The following CNTN4 variants were observed in gnomAD, a reference collection of about 807,000 sequenced individuals.
The protein encoded by CNTN4 is contactin-4.
CNTN4 carries 77 observed loss-of-function variants against 122.5 expected under a neutral mutation model. That is an observed-to-expected ratio of 0.63 (90% CI 0.52 to 0.76). The LOEUF is 0.76. Ranked by LOEUF, CNTN4 falls within the 30% of genes least tolerant of loss-of-function variation. CNTN4 has a pLI of 0.00. For synonymous variants in CNTN4, 512 were observed against 447.0 expected (o/e 1.15, Z -1.83); for missense variants, 1,256 against 1,259.1 (o/e 1.00, Z 0.04).
rs746750015 is a variant in CNTN4, at chr3:2,300,783, A to C, written c.-144-38395A>C. Among the ~76,000 whole-genome samples, 69 of 151,790 alleles carry C rather than the reference A, an allele frequency of 4.5e-4. 1 individual carries two copies. The highest frequency in any genetic ancestry group is 1.4e-3 in the African/African-American group (56 of 41,378). ...ATGGGGTTTCACCATGTTGGCCAGGATGGTCTCCATCAACAGACCTTGTGA... is the reference window on the plus strand; with the variant it reads ...ATGGGGTTTCACCATGTTGGCCAGGCTGGTCTCCATCAACAGACCTTGTGA... On this transcript the variant is annotated intron_variant, in intron 2 of 24. Transcript: ENST00000418658.
chr3:2,244,125 C>T (rs899784164), intron 2 of CNTN4, among the ~76,000 whole-genome samples: 1 of 151,856 alleles, frequency 6.6e-6, no homozygotes, highest in African/African-American at 2.4e-5. Context: ...GCATACATAC[C>T]TATGATAAAG....
At chr3:2,718,739 G>C (rs549604042) in intron 4 of CNTN4, among the ~76,000 whole-genome samples, 5 of 152,052 alleles carry the variant, frequency 3.3e-5, no homozygotes, top group Non-Finnish European at 7.4e-5. Context: ...AATTTCTCAA[G>C]TCCCTGAAAT....
intron 4 of CNTN4, among the ~76,000 whole-genome samples, chr3:2,734,344 G>A (rs1212625397): frequency 6.6e-6 from 1 of 152,200 alleles, no homozygotes; most frequent in Non-Finnish European, 1.5e-5. Flanking sequence ...TTCCAGGCTT[G>A]AGCCACGATG....
intron 13 of CNTN4, among the ~76,000 whole-genome samples, chr3:2,932,724 A>C (rs981707951): frequency 1.3e-5 from 2 of 152,132 alleles, no homozygotes; most frequent in African/African-American, 4.8e-5. Flanking sequence ...AGGATTTTTC[A>C]GTATTTAAAA....
intron 4 of CNTN4, among the ~76,000 whole-genome samples, chr3:2,712,567 G>T (rs1241732766): frequency 6.6e-6 from 1 of 152,178 alleles, no homozygotes; most frequent in South Asian, 2.1e-4. Context: ...AATAAACAGG[G>T]TGTAATGTTG....
At chr3:2,270,580 A>G (rs1559398287) in intron 2 of CNTN4, among the ~76,000 whole-genome samples, 1 of 152,078 alleles carries the variant, frequency 6.6e-6, no homozygotes, top group Admixed American at 6.6e-5. Flanking sequence ...AGATTTTGCA[A>G]ATTGCCTAAA....
intron 2 of CNTN4, among the ~76,000 whole-genome samples, chr3:2,309,209 A>G (rs1341870447): frequency 6.6e-6 from 1 of 152,056 alleles, no homozygotes; most frequent in East Asian, 1.9e-4. Flanking sequence ...TCATTATAAA[A>G]TCTGTTCATC....
intron 3 of CNTN4, among the ~76,000 whole-genome samples, chr3:2,389,330 CA>C (rs1445892714): frequency 6.3e-5 from 9 of 143,000 alleles, no homozygotes; most frequent in African/African-American, 2.4e-4. Flanking sequence ...CACATGGCTG[CA>C]GCCTTCTCAT....
chr3:2,362,534 A>G (rs1275483078), intron 3 of CNTN4: 2 of 601,036 alleles, frequency 3.3e-6, no homozygotes, highest in East Asian at 9.7e-5. Context: ...GTCATTCCTA[A>G]GAAGCCCATT....
chr3:2,113,189 T>G (rs1020007075), intron 2 of CNTN4, among the ~76,000 whole-genome samples: 4 of 152,190 alleles, frequency 2.6e-5, no homozygotes, highest in African/African-American at 7.2e-5. Context: ...AAGGGCTGTT[T>G]CCCTTATATC....
intron 4 of CNTN4, among the ~76,000 whole-genome samples, chr3:2,608,288 G>A (rs551469716): frequency 1.2e-4 from 18 of 152,260 alleles, no homozygotes; most frequent in Admixed American, 3.3e-4. Context: ...AACTTGAATT[G>A]AACACTGTTA....
At chr3:2,400,337 G>T (rs1004119952) in intron 3 of CNTN4, among the ~76,000 whole-genome samples, 17 of 145,408 alleles carry the variant, frequency 1.2e-4, no homozygotes, top group Non-Finnish European at 2.4e-4. Flanking sequence ...ATATGTAAAA[G>T]AAATATATAT....
intron 7 of CNTN4, among the ~76,000 whole-genome samples, chr3:2,821,305 T>C (rs2092865532): frequency 6.6e-6 from 1 of 152,178 alleles, no homozygotes; most frequent in African/African-American, 2.4e-5. Context: ...GCACAGCTTC[T>C]AGAGGATGTC....
chr3:2,738,398 C>A (rs79743384), intron 5 of CNTN4, among the ~76,000 whole-genome samples: 2 of 152,080 alleles, frequency 1.3e-5, no homozygotes, highest in Non-Finnish European at 2.9e-5. Flanking sequence ...TCTTTTAAAG[C>A]AAAACAAAAT....
chr3:2,954,614 G>A (rs6775502), intron 13 of CNTN4, among the ~76,000 whole-genome samples: 1 of 151,880 alleles, frequency 6.6e-6, no homozygotes, highest in South Asian at 2.1e-4. Flanking sequence ...CTTTCACTGA[G>A]GGGGAGGGCA....
intron 2 of CNTN4, among the ~76,000 whole-genome samples, chr3:2,158,096 A>G (rs2035799193): frequency 1.0e-5 from 1 of 97,336 alleles, no homozygotes; most frequent in African/African-American, 2.7e-5. Flanking sequence ...TTTTGCATAT[A>G]CTGCATATAT....
At chr3:2,986,515 G>A (rs894655614) in intron 13 of CNTN4, among the ~76,000 whole-genome samples, 6 of 152,118 alleles carry the variant, frequency 3.9e-5, no homozygotes, top group African/African-American at 7.2e-5. Context: ...GATCTGGACC[G>A]GGTCTTCAGG....
rs1553643947 is a variant in CNTN4, at chr3:2,804,737, C to CTTTAGTTTTTTTTTTTTTTT, written c.359-14746_359-14745insAGTTTTTTTTTTTTTTTTTT. On this transcript the variant is annotated intron_variant, in intron 6 of 24. Coordinates refer to ENST00000418658, the MANE Select transcript of CNTN4 (RefSeq NM_175607.3). ...CAACCACACCCACATATTTTGAGCA[C>CTTTAGTTTTTTTTTTTTTTT]TTTTTTTTTGAGACAAGGTCTCTCT... Among the ~76,000 whole-genome samples, 1,312 of 144,610 alleles carry CTTTAGTTTTTTTTTTTTTTT rather than the reference C, an allele frequency of 9.1e-3. 34 individuals carry two copies. Among genetic ancestry groups the CTTTAGTTTTTTTTTTTTTTT allele is most frequent in the African/African-American group, 0.029 (1,147 of 39,006 alleles). 94.9% of individuals were successfully genotyped at this position (144,610 alleles called of 152,430 possible). A position where few individuals can be genotyped will look rare whatever the true frequency, so the allele number is the denominator to read the frequency against.
At chr3:2,143,655 A>G (rs2035112051) in intron 2 of CNTN4, among the ~76,000 whole-genome samples, 1 of 152,162 alleles carries the variant, frequency 6.6e-6, no homozygotes, top group African/African-American at 2.4e-5. Flanking sequence ...TGTGCTAGGC[A>G]TTGCACCCTG....
Sources: gnomAD v4.1 joint callset for allele counts (sites outside exome capture counted in the v4.1 genomes callset) on GRCh38, gnomAD v4.1.1 for gene constraint, MANE v1.5 for transcripts, NCBI Gene and HGNC (gene_info 2026-07-23, HGNC 2026-07-21) for gene names.